Variants in MACROD2 observed in about 807,000 individuals in gnomAD.
MACROD2 encodes ADP-ribose glycohydrolase MACROD2.
In MACROD2, 36 loss-of-function variants were observed where a neutral mutation model predicts 70.4. That is an observed-to-expected ratio of 0.51 (90% CI 0.39 to 0.68). The LOEUF is 0.68. Among genes scored for constraint, MACROD2 ranks in the 30% least tolerant of loss-of-function variants. MACROD2 has a pLI of 0.00. For missense variants in MACROD2, 496 were observed against 538.4 expected (o/e 0.92, Z 0.78); for synonymous variants, 172 against 178.8 (o/e 0.96, Z 0.30).
intron 5 of MACROD2, among the ~76,000 whole-genome samples, chr20:15,047,206 G>C (rs1411097457): frequency 1.3e-5 from 2 of 152,186 alleles, no homozygotes; most frequent in Admixed American, 1.3e-4. Flanking sequence ...TTGAGGTTAA[G>C]AGCCTGTGAA....
At chr20:14,978,697 A>C (rs1250091462) in intron 5 of MACROD2, among the ~76,000 whole-genome samples, 1 of 131,976 alleles carries the variant, frequency 7.6e-6, no homozygotes, top group Non-Finnish European at 1.5e-5. Context: ...TCCAAAACCC[A>C]AGACCATGGT....
At chr20:15,294,027 A>G (rs144662330) in intron 6 of MACROD2, among the ~76,000 whole-genome samples, 2,486 of 151,588 alleles carry the variant, frequency 0.016, 83 homozygotes, top group African/African-American at 0.058. Flanking sequence ...AGGCTGAGGC[A>G]GGAGAATTGC....
intron 5 of MACROD2, among the ~76,000 whole-genome samples, chr20:15,096,465 T>A (rs1460633934): frequency 2.0e-5 from 3 of 148,042 alleles, no homozygotes; most frequent in Non-Finnish European, 4.5e-5. Context: ...TAAATATATA[T>A]AAATACGTAT....
chr20:15,419,909 C>T (rs2046204888), intron 6 of MACROD2, among the ~76,000 whole-genome samples: 1 of 152,174 alleles, frequency 6.6e-6, no homozygotes, highest in Admixed American at 6.5e-5. Flanking sequence ...TCATATTGCC[C>T]AACTGATTTG....
chr20:15,090,545 C>T (rs1298944692), intron 5 of MACROD2, among the ~76,000 whole-genome samples: 3 of 151,888 alleles, frequency 2.0e-5, no homozygotes, highest in Admixed American at 6.6e-5. Context: ...ACACATTTAC[C>T]GAGAACTATA....
At chr20:15,514,613 C>T (rs753570689) in intron 8 of MACROD2, among the ~76,000 whole-genome samples, 11 of 152,036 alleles carry the variant, frequency 7.2e-5, no homozygotes, top group Admixed American at 2.0e-4. Context: ...ACACATTTCT[C>T]GGAATGTATT....
At chr20:15,986,480 CTAAG>C (rs1773294271) in intron 13 of MACROD2, among the ~76,000 whole-genome samples, 1 of 152,144 alleles carries the variant, frequency 6.6e-6, no homozygotes, top group East Asian at 1.9e-4. Flanking sequence ...CATTCATAAG[CTAAG>C]TAAGTATGCC....
chr20:15,773,781 G>A (rs1301678874), intron 8 of MACROD2, among the ~76,000 whole-genome samples: 1 of 152,126 alleles, frequency 6.6e-6, no homozygotes, highest in Non-Finnish European at 1.5e-5. Context: ...ATACAAAGTG[G>A]TGAGTAGATG....
At chr20:14,700,522 G>GGTGTGT (rs149689043) in intron 5 of MACROD2, among the ~76,000 whole-genome samples, 101 of 111,464 alleles carry the variant, frequency 9.1e-4, no homozygotes, top group South Asian at 2.5e-3. Context: ...GACATATGGT[G>GGTGTGT]GTGTGTGTGT....
At chr20:14,820,156 C>A (rs2122204848) in intron 5 of MACROD2, among the ~76,000 whole-genome samples, 1 of 152,060 alleles carries the variant, frequency 6.6e-6, no homozygotes, top group South Asian at 2.1e-4. Flanking sequence ...ATTGTCTGTG[C>A]TTTTGATTTG....
chr20:15,640,031 G>A (rs938679635), intron 8 of MACROD2, among the ~76,000 whole-genome samples: 3 of 150,012 alleles, frequency 2.0e-5, no homozygotes, highest in African/African-American at 7.4e-5. Flanking sequence ...GAAGGAGAGA[G>A]AAAAGGGGTG....
chr20:14,003,885 T>G (rs2052772844), intron 2 of MACROD2, among the ~76,000 whole-genome samples: 1 of 152,236 alleles, frequency 6.6e-6, no homozygotes, highest in Admixed American at 6.5e-5. Flanking sequence ...TCTGGTCCTC[T>G]GTCTTACCTA....
intron 5 of MACROD2, among the ~76,000 whole-genome samples, chr20:14,713,731 G>C (rs772895924): frequency 2.0e-5 from 3 of 152,148 alleles, no homozygotes; most frequent in Admixed American, 6.5e-5. Flanking sequence ...ATTAGATAAA[G>C]AGATAAAACA....
intron 8 of MACROD2, among the ~76,000 whole-genome samples, chr20:15,859,154 G>A (rs1168651306): frequency 6.6e-6 from 1 of 152,124 alleles, no homozygotes; most frequent in African/African-American, 2.4e-5. Context: ...CTGTTCATGA[G>A]ATGGAAGTGG....
At chr20:15,597,401 A>G (rs940438672) in intron 8 of MACROD2, among the ~76,000 whole-genome samples, 3 of 152,238 alleles carry the variant, frequency 2.0e-5, no homozygotes, top group Non-Finnish European at 2.9e-5. Flanking sequence ...CAAAGGATAC[A>G]AGAGTGGTAC....
intron 8 of MACROD2, among the ~76,000 whole-genome samples, chr20:15,712,373 G>A (rs1279300679): frequency 1.3e-5 from 2 of 152,190 alleles, no homozygotes; most frequent in Non-Finnish European, 2.9e-5. Flanking sequence ...ATGCTTCTTG[G>A]AACTTCTGGC....
At chr20:14,716,813 GACTA>G (rs2071401805) in intron 5 of MACROD2, among the ~76,000 whole-genome samples, 2 of 152,000 alleles carry the variant, frequency 1.3e-5, no homozygotes, top group Non-Finnish European at 2.9e-5. Flanking sequence ...TGATGAACGA[GACTA>G]GCTTCCTAGT....
chr20:15,341,896 T>A (rs2146208267), intron 6 of MACROD2, among the ~76,000 whole-genome samples: 1 of 152,130 alleles, frequency 6.6e-6, no homozygotes, highest in South Asian at 2.1e-4. Flanking sequence ...ACAAAAATTT[T>A]TTAAAAAATT....
intron 10 of MACROD2, among the ~76,000 whole-genome samples, chr20:15,907,862 C>A (rs1334288213): frequency 6.6e-6 from 1 of 152,212 alleles, no homozygotes; most frequent in Non-Finnish European, 1.5e-5. Flanking sequence ...CTAGAACATT[C>A]TCTAGACTGC....
Sources: gnomAD v4.1 joint callset for allele counts (sites outside exome capture counted in the v4.1 genomes callset) on GRCh38, gnomAD v4.1.1 for gene constraint, MANE v1.5 for transcripts, NCBI Gene and HGNC (gene_info 2026-07-23, HGNC 2026-07-21) for gene names.